Variants in ST6GALNAC3 observed in about 807,000 individuals in gnomAD.
ST6GALNAC3 encodes alpha-N-acetylgalactosaminide alpha-2,6-sialyltransferase 3.
A neutral mutation model predicts 32.7 loss-of-function variants in ST6GALNAC3; 25 were observed. The observed-to-expected ratio is 0.76, with a 90% CI of 0.56 to 1.07. The LOEUF (loss-of-function observed/expected upper bound fraction) is 1.07, where lower values mean the gene tolerates loss of function less well. Among genes scored for constraint, ST6GALNAC3 ranks in the 50% least tolerant of loss-of-function variants. The probability of loss-of-function intolerance (pLI) is 0.00; values close to 1 mark genes in which losing one functional copy is unlikely to be tolerated. For synonymous variants in ST6GALNAC3, 129 were observed against 133.1 expected (o/e 0.97, Z 0.21); for missense variants, 355 against 382.4 (o/e 0.93, Z 0.60).
At chr1:76,389,231 G>C (rs967019263) in intron 2 of ST6GALNAC3, among the ~76,000 whole-genome samples, 1 of 152,078 alleles carries the variant, frequency 6.6e-6, no homozygotes, top group Non-Finnish European at 1.5e-5. Flanking sequence ...ATGAGCAGAA[G>C]ACAAAGAATT....
At chr1:76,233,917 A>C (rs1482851938) in intron 1 of ST6GALNAC3, among the ~76,000 whole-genome samples, 3 of 151,460 alleles carry the variant, frequency 2.0e-5, no homozygotes, top group African/African-American at 7.4e-5. Context: ...GTGATATTAA[A>C]ATTTTATGTG....
At chr1:76,099,142 G>T (rs1647179024) in intron 1 of ST6GALNAC3, among the ~76,000 whole-genome samples, 1 of 152,078 alleles carries the variant, frequency 6.6e-6, no homozygotes, top group Non-Finnish European at 1.5e-5. Flanking sequence ...TAATACCAAT[G>T]TCACACTGTA....
chr1:76,210,624 C>T (rs770152714), intron 1 of ST6GALNAC3, among the ~76,000 whole-genome samples: 4 of 152,204 alleles, frequency 2.6e-5, no homozygotes, highest in Non-Finnish European at 5.9e-5. Flanking sequence ...AATCTCCAAT[C>T]AAGGTGTTCG....
chr1:76,422,280 C>T (rs143963114), intron 3 of ST6GALNAC3, among the ~76,000 whole-genome samples: 35 of 151,980 alleles, frequency 2.3e-4, no homozygotes, highest in African/African-American at 6.5e-4. Context: ...GGTCTTTAAT[C>T]GCTTAAAGAA....
At chr1:76,429,552 T>C (rs760380839) in intron 3 of ST6GALNAC3, among the ~76,000 whole-genome samples, 23 of 152,148 alleles carry the variant, frequency 1.5e-4, no homozygotes, top group Non-Finnish European at 3.2e-4. Flanking sequence ...TTCCATCATT[T>C]AGAAAAATCA....
intron 3 of ST6GALNAC3, among the ~76,000 whole-genome samples, chr1:76,515,408 CTGTT>C (rs1406659636): frequency 6.6e-6 from 1 of 151,760 alleles, no homozygotes; most frequent in Non-Finnish European, 1.5e-5. Flanking sequence ...TTTTTAGTCT[CTGTT>C]TATTTCTGCT....
intron 3 of ST6GALNAC3, among the ~76,000 whole-genome samples, chr1:76,539,914 C>T (rs758576632): frequency 7.9e-5 from 12 of 152,092 alleles, no homozygotes; most frequent in Non-Finnish European, 2.9e-5. Flanking sequence ...GGTGGGAATG[C>T]AAATTAGTTC....
At chr1:76,075,245 G>C (rs536623645) in intron 1 of ST6GALNAC3, among the ~76,000 whole-genome samples, 4 of 152,198 alleles carry the variant, frequency 2.6e-5, no homozygotes, top group Admixed American at 6.5e-5. Flanking sequence ...CCACGGGGAG[G>C]GGTGGAGTGG....
chr1:76,405,667 T>C (rs769811640), intron 2 of ST6GALNAC3, among the ~76,000 whole-genome samples: 2 of 151,790 alleles, frequency 1.3e-5, no homozygotes, highest in African/African-American at 4.8e-5. Flanking sequence ...GTTCTTTTAC[T>C]GTATGTGTAC....
intron 1 of ST6GALNAC3, among the ~76,000 whole-genome samples, chr1:76,082,899 T>G (rs1146663): frequency 0.6 from 91,079 of 151,566 alleles, 27,978 homozygotes; most frequent in Middle Eastern, 0.7. Context: ...AAAGGTGTGT[T>G]TCTCTGTGCA....
intron 2 of ST6GALNAC3, among the ~76,000 whole-genome samples, chr1:76,359,811 G>A (rs1010863917): frequency 5.3e-5 from 8 of 152,200 alleles, no homozygotes; most frequent in Non-Finnish European, 8.8e-5. Flanking sequence ...TAATTTGCAA[G>A]TAGAATCAAT....
chr1:76,231,731 A>C (rs956896495), intron 1 of ST6GALNAC3, among the ~76,000 whole-genome samples: 3 of 152,092 alleles, frequency 2.0e-5, no homozygotes, highest in African/African-American at 7.2e-5. Context: ...TTTTTCATCC[A>C]TTCATCTGTC....
At chr1:76,539,115 T>A (rs1039737470) in intron 3 of ST6GALNAC3, among the ~76,000 whole-genome samples, 1 of 152,136 alleles carries the variant, frequency 6.6e-6, no homozygotes, top group Non-Finnish European at 1.5e-5. Context: ...GACCTCAAAC[T>A]ATACTACAAG....
At chr1:76,130,309 C>T (rs1649529107) in intron 1 of ST6GALNAC3, among the ~76,000 whole-genome samples, 2 of 152,180 alleles carry the variant, frequency 1.3e-5, no homozygotes, top group Admixed American at 1.3e-4. Flanking sequence ...GGTAGGGTGG[C>T]TTGTACACCA....
intron 1 of ST6GALNAC3, among the ~76,000 whole-genome samples, chr1:76,126,813 G>A (rs1649286467): frequency 1.3e-5 from 2 of 152,178 alleles, no homozygotes; most frequent in Admixed American, 1.3e-4. Flanking sequence ...CTCCCAGTGG[G>A]CTTTCAGGCA....
At chr1:76,435,805 G>A (rs937573034) in intron 3 of ST6GALNAC3, among the ~76,000 whole-genome samples, 2 of 152,038 alleles carry the variant, frequency 1.3e-5, no homozygotes, top group Non-Finnish European at 2.9e-5. Flanking sequence ...GGCTCATAGA[G>A]AATAGCAACC....
intron 1 of ST6GALNAC3, among the ~76,000 whole-genome samples, chr1:76,174,015 T>A (rs1449703078): frequency 6.6e-6 from 1 of 152,218 alleles, no homozygotes; most frequent in African/African-American, 2.4e-5. Flanking sequence ...TAAATCATTC[T>A]ACTACAAAGA....
At position 76,528,741 on chromosome 1, in the gene ST6GALNAC3, C is replaced by T. The variant is rs12023528; in HGVS notation, c.624-98711C>T. The stretch of plus-strand genomic sequence containing the variant: ...ATGCCTGAAGTGAGGCAATGGTGGT[C>T]CACATATACGAGTGAGAAAACAACG... On this transcript the variant is annotated intron_variant, in intron 3 of 4. Coordinates refer to ENST00000328299, the MANE Select transcript of ST6GALNAC3 (RefSeq NM_152996.4). Among the ~76,000 whole-genome samples the T allele has an allele frequency of 1.9e-3, 289 of 151,542 alleles. 6 individuals carry two copies. In the East Asian group the frequency reaches 0.051, roughly 27 times the overall value.
chr1:76,204,335 G>A (rs1397780909), intron 1 of ST6GALNAC3, among the ~76,000 whole-genome samples: 1 of 152,164 alleles, frequency 6.6e-6, no homozygotes, highest in Admixed American at 6.5e-5. Flanking sequence ...TATAAATATT[G>A]TTGCCATAAA....
Sources: allele counts gnomAD v4.1 joint callset (sites outside exome capture counted in the v4.1 genomes callset), GRCh38; gene constraint gnomAD v4.1.1; transcripts MANE v1.5; gene names NCBI Gene and HGNC (gene_info 2026-07-23, HGNC 2026-07-21).